SLCO4C1: variants seen among roughly 807,000 people sequenced by gnomAD.
SLCO4C1 encodes the protein solute carrier organic anion transporter family member 4C1, also known as organic anion transporter M1.
SLCO4C1 carries 58 observed loss-of-function variants against 72.1 expected under a neutral mutation model. The observed-to-expected ratio is 0.80, with a 90% CI of 0.65 to 1.00. The LOEUF is 1.00. Among genes scored for constraint, SLCO4C1 ranks in the 50% least tolerant of loss-of-function variants. The probability of loss-of-function intolerance (pLI) is 0.00; values close to 1 mark genes in which losing one functional copy is unlikely to be tolerated. For synonymous variants in SLCO4C1, 297 were observed against 312.5 expected (o/e 0.95, Z 0.52); for missense variants, 898 against 857.9 (o/e 1.05, Z -0.58).
chr5:102,288,738 A>G lies in SLCO4C1; in HGVS notation c.619+2605T>C, dbSNP rs1749499909. Among the ~76,000 whole-genome samples the G allele has an allele frequency of 2.0e-5, 3 of 151,824 alleles. No individual in the cohort carries two copies. In the South Asian group the frequency reaches 6.2e-4, roughly 32 times the overall value. On this transcript the variant is annotated intron_variant, in intron 2 of 12. Coordinates refer to ENST00000310954, the MANE Select transcript of SLCO4C1 (RefSeq NM_180991.5). ...CCTCTGCTCCAAAGCCCTTAACCATATTTTTCTCCAGCCTGGAAATTATCT... is the reference window on the plus strand; with the variant it reads ...CCTCTGCTCCAAAGCCCTTAACCATGTTTTTCTCCAGCCTGGAAATTATCT...
chr5:102,250,831 T>C (rs1433843092), intron 8 of SLCO4C1, among the ~76,000 whole-genome samples: 1 of 151,468 alleles, frequency 6.6e-6, no homozygotes, highest in Non-Finnish European at 1.5e-5. Context: ...CTACTAAAAA[T>C]ACAAAAATTA....
At chr5:102,239,136 C>A in intron 12 of SLCO4C1, 115 bp downstream of exon 12, 1 of 938,724 alleles carries the variant, frequency 1.1e-6, no homozygotes, top group South Asian at 2.4e-5. Context: ...CTGGATGGTT[C>A]AACAATGTGG....
In SLCO4C1 at chr5:102,257,918, G is replaced by A. The variant is rs763086561; in HGVS notation, c.1273+25C>T. 4.4e-6 allele frequency: 7 copies of A among 1,584,700 alleles called. No individual in the cohort carries two copies. The South Asian group carries it at 7.1e-5, about 16-fold the overall frequency. ...TTAATATAGTAAAGTAAAATTTTTA[G>A]GTTAAGATAAAGAAAATGTTTTACC... On this transcript the variant is annotated intron_variant, in intron 7 of 12. Transcript: ENST00000310954.
intron 9 of SLCO4C1, among the ~76,000 whole-genome samples, chr5:102,248,316 T>A (rs1316192379): frequency 6.6e-6 from 1 of 152,176 alleles, no homozygotes; most frequent in African/African-American, 2.4e-5. Context: ...CAATTGATTA[T>A]TTCATGGACT....
intron 9 of SLCO4C1, among the ~76,000 whole-genome samples, chr5:102,248,542 G>T (rs1748678075): frequency 6.6e-6 from 1 of 152,046 alleles, no homozygotes; most frequent in African/African-American, 2.4e-5. Flanking sequence ...CCTTGTGCAG[G>T]ATGGTATTTG....
rs1748656096 is a variant in SLCO4C1, at chr5:102,247,434, G to A, written c.1629C>T (p.Tyr543=). The A allele has an allele frequency of 7.9e-6, 12 of 1,525,686 alleles. No homozygotes were observed. The highest frequency in any genetic ancestry group is 1.1e-5 in the Non-Finnish European group (12 of 1,126,362). 94.5% of individuals were successfully genotyped at this position (1,525,686 alleles called of 1,614,324 possible). ...TTTTCCTTTCAATACAGGAACAGTT[G>A]TAATATACCTAAAAATATTAGACAT... ...PVAHRKPKVY[Y]NCSCIERKTE... is the part of the protein sequence containing the mutation. Residue 543 remains tyrosine, a synonymous_variant, in exon 10 of 13, where the codon TAC becomes TAT. Coordinates refer to ENST00000310954, the MANE Select transcript of SLCO4C1 (RefSeq NM_180991.5).
rs964805317 is a variant in SLCO4C1, at chr5:102,296,105, T to C, written c.158A>G (p.Gln53Arg). The C allele has an allele frequency of 1.2e-6, 2 of 1,614,136 alleles. No homozygotes were observed. Among genetic ancestry groups the C allele is most frequent in the Middle Eastern group, 1.7e-4 (1 of 6,060 alleles). ...NSQPQELQKP[Q>R]EPQKSPEPSL... ...TGGCTCTGGTGACTTCTGGGGCTCC[T>C]GGGGCTTCTGAAGCTCCTGTGGCTG... Residue 53 changes from glutamine to arginine, a missense_variant, in exon 1 of 13, where the codon CAG (glutamine) becomes CGG (arginine). Physicochemically the swap from Gln to Arg is conservative, Grantham distance 43. Transcript: ENST00000310954.
At chr5:102,242,527 C>G (rs1284181946) in intron 10 of SLCO4C1, among the ~76,000 whole-genome samples, 3 of 152,128 alleles carry the variant, frequency 2.0e-5, no homozygotes, top group Non-Finnish European at 4.4e-5. Flanking sequence ...GGACAGAGCA[C>G]CAGTCAGAGT....
At chr5:102,239,602 CA>C (rs1287675454) in intron 11 of SLCO4C1, among the ~76,000 whole-genome samples, 1 of 151,692 alleles carries the variant, frequency 6.6e-6, no homozygotes, top group Non-Finnish European at 1.5e-5. Context: ...CTAATCAATT[CA>C]AAAAAGTATT....
intron 2 of SLCO4C1, among the ~76,000 whole-genome samples, chr5:102,274,564 G>A (rs1749212372): frequency 6.6e-6 from 1 of 152,128 alleles, no homozygotes; most frequent in African/African-American, 2.4e-5. Context: ...GCTGCCAGGG[G>A]TAGGGCAGAA....
In SLCO4C1 at chr5:102,244,169, C is replaced by T. The variant is rs759445725; in HGVS notation, c.1811+3083G>A. Among the ~76,000 whole-genome samples the T allele has an allele frequency of 1.8e-4, 28 of 152,194 alleles. No homozygotes were observed. The Middle Eastern group carries it at 0.01, about 55-fold the overall frequency. Reference sequence around the variant, plus strand: ...GGCCACTGCTCTCCAGCCTGGGCAACAGAGCGAGACTCCATCTCAAAACAA... The same window carrying T: ...GGCCACTGCTCTCCAGCCTGGGCAATAGAGCGAGACTCCATCTCAAAACAA... On this transcript the variant is annotated intron_variant, in intron 10 of 12. Coordinates refer to ENST00000310954, the MANE Select transcript of SLCO4C1 (RefSeq NM_180991.5).
chr5:102,273,966 G>T (rs1191378823), intron 2 of SLCO4C1, among the ~76,000 whole-genome samples: 4 of 151,578 alleles, frequency 2.6e-5, no homozygotes, highest in Non-Finnish European at 5.9e-5. Flanking sequence ...ACCAACCACA[G>T]ATCAAAAATA....
At chr5:102,256,079 G>A (rs947049556) in intron 8 of SLCO4C1, among the ~76,000 whole-genome samples, 4 of 152,046 alleles carry the variant, frequency 2.6e-5, no homozygotes, top group East Asian at 3.9e-4. Context: ...GGTGGCATGC[G>A]CCTGTAGTCC....
intron 11 of SLCO4C1, 136 bp from the exon 12 acceptor site, chr5:102,239,524 G>T: frequency 1.9e-6 from 1 of 521,070 alleles, no homozygotes; most frequent in Non-Finnish European, 2.9e-6. Flanking sequence ...ATTAATTCAT[G>T]TACAAGTCAA....
intron 1 of SLCO4C1, among the ~76,000 whole-genome samples, chr5:102,292,573 G>T (rs1365011202): frequency 1.3e-5 from 2 of 152,204 alleles, no homozygotes; most frequent in East Asian, 3.9e-4. Flanking sequence ...CCATGTAAAG[G>T]ATTCTAGAGC....
chr5:102,240,876 T>A, intron 10 of SLCO4C1, 94 bp from the exon 11 acceptor site: 1 of 831,088 alleles, frequency 1.2e-6, no homozygotes, highest in South Asian at 2.0e-5. Context: ...AGCATTCCTA[T>A]ATTAAAGTAA....
intron 9 of SLCO4C1, 25 bp downstream of exon 9, chr5:102,249,613 G>A: frequency 6.2e-7 from 1 of 1,612,650 alleles, no homozygotes; most frequent in South Asian, 1.1e-5. Context: ...GCCTCATTAA[G>A]GGAAAAGTAG....
chr5:102,293,855 C>A (rs772301305), intron 1 of SLCO4C1, among the ~76,000 whole-genome samples: 6 of 152,182 alleles, frequency 3.9e-5, no homozygotes, highest in African/African-American at 4.8e-5. Context: ...GTGCCTCAGC[C>A]TCCTGAATAG....
At chr5:102,280,601 C>T (rs1749336633) in intron 2 of SLCO4C1, among the ~76,000 whole-genome samples, 1 of 152,058 alleles carries the variant, frequency 6.6e-6, no homozygotes, top group African/African-American at 2.4e-5. Context: ...TATAAAGATA[C>T]TACCTGAAAC....
Sources: gnomAD v4.1 joint callset for allele counts (sites outside exome capture counted in the v4.1 genomes callset) on GRCh38, gnomAD v4.1.1 for gene constraint, MANE v1.5 for transcripts, NCBI Gene and HGNC (gene_info 2026-07-23, HGNC 2026-07-21) for gene names.